ANXA1: variants seen among roughly 807,000 people sequenced by gnomAD.
ANXA1 encodes the protein annexin I (lipocortin I).
A neutral mutation model predicts 47.9 loss-of-function variants in ANXA1; 39 were observed. The observed-to-expected ratio is 0.81, with a 90% CI of 0.63 to 1.06. The LOEUF is 1.06. Among genes scored for constraint, ANXA1 ranks in the 50% least tolerant of loss-of-function variants. The pLI, the probability that ANXA1 is intolerant of heterozygous loss-of-function variation, is 0.00. For synonymous variants in ANXA1, 146 were observed against 142.5 expected (o/e 1.02, Z -0.17); for missense variants, 446 against 422.7 (o/e 1.06, Z -0.48).
Position 73,170,280 on chromosome 9 carries a change from T to C in ANXA1, c.*173T>C, listed in dbSNP as rs982640603. 2.3e-5 allele frequency: 10 copies of C among 434,516 alleles called. No homozygotes were observed. The highest frequency in any genetic ancestry group is 1.2e-4 in the African/African-American group (6 of 49,414). 26.9% of individuals were successfully genotyped at this position (434,516 alleles called of 1,614,324 possible). A position where few individuals can be genotyped will look rare whatever the true frequency, so the allele number is the denominator to read the frequency against. On this transcript the variant is annotated 3_prime_UTR_variant, in exon 13 of 13. Transcript: ENST00000257497. ...TATAACTCTGTATAATAGAGATAAG[T>C]CCATTTTTTAAAAATGTTTTCCCCA...
intron 1 of ANXA1, among the ~76,000 whole-genome samples, chr9:73,156,698 G>C (rs541277079): frequency 1.3e-5 from 2 of 152,164 alleles, no homozygotes; most frequent in Non-Finnish European, 2.9e-5. Context: ...TGCTGTTGAG[G>C]AATCAGTTTA....
chr9:73,163,199 C>T (rs766876065), intron 7 of ANXA1, among the ~76,000 whole-genome samples: 21 of 152,018 alleles, frequency 1.4e-4, no homozygotes, highest in South Asian at 2.1e-4. Context: ...TTCCCAGTGA[C>T]GGCATTAATC....
rs1161468939 is a variant in ANXA1 at position 73,158,575 on chromosome 9, A to G, written c.40A>G (p.Ile14Val). ...VSEFLKQAWF[I>V]ENEEQEYVQT... ...AGAATTCCTCAAGCAGGCCTGGTTT[A>G]TTGAAAATGAAGAGCAGGAATATGT... is the stretch of plus-strand genomic sequence containing the variant. The change falls in exon 2 of 13, where the codon ATT becomes GTT. Residue 14 changes from isoleucine to valine, a missense_variant. By Grantham distance (29) the Ile-to-Val change is conservative. Transcript: ENST00000257497. 6.2e-7 allele frequency: 1 copy of G among 1,613,814 alleles called. No individual in the cohort carries two copies. Among genetic ancestry groups the G allele is most frequent in the East Asian group, 2.2e-5 (1 of 44,864 alleles).
intron 11 of ANXA1, chr9:73,168,453 C>CAGATGAGG (rs752977416): frequency 6.6e-6 from 1 of 152,126 alleles, no homozygotes; most frequent in Non-Finnish European, 1.5e-5. Context: ...AGAAATGAGC[C>CAGATGAGG]AGATGAGGGC....
rs183339779 is a variant in ANXA1, at chr9:73,170,289, T to A, written c.*182T>A. 3.7e-3 allele frequency: 1,562 copies of A among 419,514 alleles called. 16 individuals carry two copies. The highest frequency in any genetic ancestry group is 0.028 in the African/African-American group (1,355 of 49,200). 26.0% of individuals were successfully genotyped at this position (419,514 alleles called of 1,614,324 possible). A position where few individuals can be genotyped will look rare whatever the true frequency, so the allele number is the denominator to read the frequency against. On this transcript the variant is annotated 3_prime_UTR_variant, in exon 13 of 13. Transcript: ENST00000257497. Reference sequence around the variant, plus strand: ...GTATAATAGAGATAAGTCCATTTTTTAAAAATGTTTTCCCCAAACCATAAA... The same window carrying A: ...GTATAATAGAGATAAGTCCATTTTTAAAAAATGTTTTCCCCAAACCATAAA...
intron 1 of ANXA1, among the ~76,000 whole-genome samples, chr9:73,152,169 C>T (rs1195042873): frequency 6.6e-6 from 1 of 152,148 alleles, no homozygotes. Context: ...AATACTGGCT[C>T]ATTGTACTCT....
At chr9:73,152,576 C>T (rs894307298) in intron 1 of ANXA1, among the ~76,000 whole-genome samples, 3 of 152,098 alleles carry the variant, frequency 2.0e-5, no homozygotes, top group Non-Finnish European at 4.4e-5. Flanking sequence ...CTTGTAGGCT[C>T]TGTGTCATAT....
chr9:73,160,182 A>G, intron 4 of ANXA1, 81 bp from the exon 5 acceptor site: 1 of 932,756 alleles, frequency 1.1e-6, no homozygotes, highest in Non-Finnish European at 1.6e-6. Context: ...TTGTACGATG[A>G]CCTAAAGTCA....
At chr9:73,167,466 A>G (rs760037657) in intron 10 of ANXA1, 31 bp from the exon 11 acceptor site, 32 of 1,600,046 alleles carry the variant, frequency 2.0e-5, no homozygotes. Flanking sequence ...TTCATGGTAA[A>G]TACATCAACT....
chr9:73,164,968 T>C, intron 8 of ANXA1, 148 bp from the exon 9 acceptor site: 1 of 586,056 alleles, frequency 1.7e-6, no homozygotes, highest in East Asian at 3.0e-5. Flanking sequence ...GGTCCCTATC[T>C]TTAAAGAACT....
In ANXA1 at chr9:73,167,557, T is replaced by C. The variant is rs893314851; in HGVS notation, c.861+2T>C. 1.2e-6 allele frequency: 2 copies of C among 1,613,036 alleles called. No individual in the cohort carries two copies. The highest frequency in any genetic ancestry group is 2.2e-5 in the East Asian group (1 of 44,858). ...GAGAAGCTTCATCAAGCCATGAAAGTATGTACCATTCTACTTATATGTCCT... is the reference window on the plus strand; with the variant it reads ...GAGAAGCTTCATCAAGCCATGAAAGCATGTACCATTCTACTTATATGTCCT... On this transcript the variant is annotated splice_donor_variant, in intron 11 of 12. Transcript: ENST00000257497. LOFTEE classifies it high-confidence loss of function.
At chr9:73,168,540 A>C (rs2118180809) in intron 11 of ANXA1, 1 of 152,476 alleles carries the variant, frequency 6.6e-6, no homozygotes, top group East Asian at 1.9e-4. Context: ...TGAAGGCAAA[A>C]GGTAACATAA....
At chr9:73,161,749 G>C (rs1205689066) in intron 6 of ANXA1, among the ~76,000 whole-genome samples, 1 of 152,044 alleles carries the variant, frequency 6.6e-6, no homozygotes, top group Non-Finnish European at 1.5e-5. Context: ...GTTTATGTTA[G>C]ATCCATGTGT....
rs376750728 is a variant in ANXA1 at position 73,163,430 on chromosome 9, A to G, written c.556-46A>G. 211 of 1,560,140 alleles carry G rather than the reference A, an allele frequency of 1.4e-4. No homozygotes were observed. The African/African-American group carries it at 2.6e-3, about 19-fold the overall frequency. ...TTAAGATAATTAAGTAAATCATGCAATTACATGCTAGAGAAGAGCTTACAA... is the reference window on the plus strand; with the variant it reads ...TTAAGATAATTAAGTAAATCATGCAGTTACATGCTAGAGAAGAGCTTACAA... On this transcript the variant is annotated intron_variant, in intron 7 of 12. Transcript: ENST00000257497.
At chr9:73,163,937 C>G (rs924887663) in intron 8 of ANXA1, among the ~76,000 whole-genome samples, 1 of 152,010 alleles carries the variant, frequency 6.6e-6, no homozygotes, top group South Asian at 2.1e-4. Context: ...TTATAGATGT[C>G]AATTTATATT....
In ANXA1 at chr9:73,169,257, A is replaced by C; in HGVS notation, c.984+103A>C. 4 of 1,273,516 alleles carry C rather than the reference A, an allele frequency of 3.1e-6. No homozygotes were observed. The South Asian group carries it at 6.7e-5, about 21-fold the overall frequency. The allele number at this position is 1,273,516 out of a possible 1,614,324, so 78.9% of individuals were successfully genotyped here. A position where few individuals can be genotyped will look rare whatever the true frequency, so the allele number is the denominator to read the frequency against. ...TATTGTATCTATAAATTTAATATGT[A>C]AGATTAATTTAATATATTATGGTGT... On this transcript the variant is annotated intron_variant, in intron 12 of 12. Coordinates refer to ENST00000257497, the MANE Select transcript of ANXA1 (RefSeq NM_000700.3).
chr9:73,153,263 T>A (rs1386672325), intron 1 of ANXA1, among the ~76,000 whole-genome samples: 1 of 152,228 alleles, frequency 6.6e-6, no homozygotes. Context: ...AAAGGTTGAT[T>A]TCTGAATATG....
rs536986668 is a variant in ANXA1 at position 73,159,382 on chromosome 9, C to T, written c.229C>T (p.Arg77Cys). The T allele has an allele frequency of 5.0e-6, 8 of 1,613,090 alleles. No homozygotes were observed. Among genetic ancestry groups the T allele is most frequent in the African/African-American group, 2.7e-5 (2 of 74,932 alleles). ...DILTKRNNAQ[R>C]QQIKAAYLQE... ...TCTAACTAAGCGAAACAATGCACAGCGTCAACAGATCAAAGCAGCATATCT... is the reference window on the plus strand; with the variant it reads ...TCTAACTAAGCGAAACAATGCACAGTGTCAACAGATCAAAGCAGCATATCT... The change falls in exon 4 of 13, where the codon CGT becomes TGT. Residue 77 changes from arginine (R) to cysteine (C), a missense_variant. By Grantham distance (180) the Arg-to-Cys change is radical. Coordinates refer to ENST00000257497, the MANE Select transcript of ANXA1 (RefSeq NM_000700.3).
At chr9:73,159,679 G>A (rs866323115) in intron 4 of ANXA1, 2 of 293,008 alleles carry the variant, frequency 6.8e-6, no homozygotes, top group Non-Finnish European at 1.3e-5. Flanking sequence ...TAATTTGAAC[G>A]TAAACATCGA....
Sources: allele counts gnomAD v4.1 joint callset (sites outside exome capture counted in the v4.1 genomes callset), GRCh38; gene constraint gnomAD v4.1.1; transcripts MANE v1.5; gene names NCBI Gene and HGNC (gene_info 2026-07-23, HGNC 2026-07-21).